TMPRSS15: variants seen among roughly 807,000 people sequenced by gnomAD.
The protein encoded by TMPRSS15 is transmembrane serine protease 15, also known as enteropeptidase.
In TMPRSS15, 128 loss-of-function variants were observed where a neutral mutation model predicts 125.3. The observed-to-expected ratio is 1.02, with a 90% CI of 0.89 to 1.18. The LOEUF is 1.18. Among genes scored for constraint, TMPRSS15 ranks in the 50% most tolerant of loss-of-function variants. The pLI is 0.00. For synonymous variants in TMPRSS15, 446 were observed against 423.2 expected (o/e 1.05, Z -0.66); for missense variants, 1,283 against 1,212.7 (o/e 1.06, Z -0.86).
At chr21:18,315,304 G>A in intron 16 of TMPRSS15, 48 bp from the exon 17 acceptor site, 1 of 1,479,846 alleles carries the variant, frequency 6.8e-7, no homozygotes. Flanking sequence ...AACACAAATG[G>A]ATGATTCTGG....
chr21:18,448,286 T>C lies in TMPRSS15; in HGVS notation c.10+37513A>G, dbSNP rs138503296. ...AAATGGATTATGACATTGTGTCTAA[T>C]TGATGTTACAAATCAATACAATTTA... is the stretch of plus-strand genomic sequence containing the variant. On this transcript the variant is annotated intron_variant, in intron 1 of 7. Transcript: ENST00000422787. 1.5e-4 allele frequency among the ~76,000 whole-genome samples: 23 copies of C among 152,300 alleles called. No individual in the cohort carries two copies. The East Asian group carries it at 4.1e-3, about 27-fold the overall frequency.
chr21:18,450,528 T>C (rs1468932071), intron 1 of TMPRSS15, among the ~76,000 whole-genome samples: 1 of 152,182 alleles, frequency 6.6e-6, no homozygotes, highest in African/African-American at 2.4e-5. Flanking sequence ...AGCCGAGTTC[T>C]GGGAGTAGAA....
chr21:18,341,656 T>C, intron 12 of TMPRSS15, 108 bp from the exon 13 acceptor site: 1 of 1,220,852 alleles, frequency 8.2e-7, no homozygotes, highest in Admixed American at 1.7e-5. Context: ...GATTCAATAT[T>C]GTCACCTTGA....
intron 3 of TMPRSS15, among the ~76,000 whole-genome samples, chr21:18,392,462 T>G (rs1427999943): frequency 1.3e-5 from 2 of 152,162 alleles, no homozygotes; most frequent in Non-Finnish European, 2.9e-5. Flanking sequence ...GATCTCCATC[T>G]GAGATCACCT....
intron 21 of TMPRSS15, among the ~76,000 whole-genome samples, chr21:18,293,745 GT>G (rs2074866213): frequency 6.6e-6 from 1 of 152,188 alleles, no homozygotes; most frequent in African/African-American, 2.4e-5. Flanking sequence ...CTAAATTTCA[GT>G]TAATAGGTAG....
chr21:18,429,203 T>C (rs2076210983), intron 1 of TMPRSS15, among the ~76,000 whole-genome samples: 3 of 152,182 alleles, frequency 2.0e-5, no homozygotes, highest in African/African-American at 7.2e-5. Context: ...GTTAACTCAA[T>C]ACCTGTACCC....
intron 24 of TMPRSS15, among the ~76,000 whole-genome samples, chr21:18,274,971 A>G (rs985407087): frequency 4.6e-5 from 7 of 152,230 alleles, no homozygotes; most frequent in African/African-American, 1.7e-4. Context: ...TATTATGTCT[A>G]GTCTCCAAAA....
intron 1 of TMPRSS15, among the ~76,000 whole-genome samples, chr21:18,428,542 C>T (rs1041100646): frequency 1.3e-5 from 2 of 152,136 alleles, no homozygotes; most frequent in Non-Finnish European, 2.9e-5. Flanking sequence ...TTGCTATCTG[C>T]AGCTTATGGA....
intron 1 of TMPRSS15, among the ~76,000 whole-genome samples, chr21:18,438,442 G>A (rs534820598): frequency 2.5e-4 from 38 of 151,972 alleles, no homozygotes; most frequent in African/African-American, 8.9e-4. Flanking sequence ...TAACCTGCAC[G>A]TTGTGCACAT....
At chr21:18,314,531 G>A (rs974141436) in intron 17 of TMPRSS15, among the ~76,000 whole-genome samples, 2 of 152,072 alleles carry the variant, frequency 1.3e-5, no homozygotes, top group African/African-American at 2.4e-5. Flanking sequence ...GCCCACCTCG[G>A]CCTCCCAAAG....
At chr21:18,294,205 G>A in intron 21 of TMPRSS15, 65 bp downstream of exon 21, 2 of 1,587,546 alleles carry the variant, frequency 1.3e-6, no homozygotes, top group Non-Finnish European at 1.7e-6. Flanking sequence ...TGCATGAAAT[G>A]GGACGCTTGG....
At chr21:18,405,097 G>C (rs780482366), upstream of TMPRSS15, among the ~76,000 whole-genome samples, 1 of 151,996 alleles carries the variant, frequency 6.6e-6, no homozygotes, top group Non-Finnish European at 1.5e-5. Flanking sequence ...TCTTTGTATG[G>C]CTAGTGCAGA....
At chr21:18,370,518 T>C (rs2075782318) in intron 6 of TMPRSS15, among the ~76,000 whole-genome samples, 1 of 152,218 alleles carries the variant, frequency 6.6e-6, no homozygotes, top group Non-Finnish European at 1.5e-5. Flanking sequence ...ACTTGCATCA[T>C]ATTCTCCCTG....
At chr21:18,361,869 T>C (rs745711125) in intron 7 of TMPRSS15, among the ~76,000 whole-genome samples, 1 of 128,184 alleles carries the variant, frequency 7.8e-6, no homozygotes, top group Non-Finnish European at 1.6e-5. Flanking sequence ...AAAGTTAGAG[T>C]GGTGGTAGGT....
At chr21:18,465,610 AC>A (rs1372616839) in intron 1 of TMPRSS15, among the ~76,000 whole-genome samples, 1 of 152,162 alleles carries the variant, frequency 6.6e-6, no homozygotes, top group African/African-American at 2.4e-5. Flanking sequence ...ATTCCTATAA[AC>A]AAATAACAGA....
At chr21:18,305,243 C>T (rs1017483305) in intron 18 of TMPRSS15, among the ~76,000 whole-genome samples, 11 of 127,620 alleles carry the variant, frequency 8.6e-5, no homozygotes, top group Non-Finnish European at 1.5e-5. Flanking sequence ...GGCTGGAGTG[C>T]AGTGGCGCGA....
At chr21:18,271,754 G>A (rs373055134) in intron 24 of TMPRSS15, among the ~76,000 whole-genome samples, 1 of 152,146 alleles carries the variant, frequency 6.6e-6, no homozygotes, top group South Asian at 2.1e-4. Context: ...ACAGGCCCTG[G>A]TGTGTGTTGT....
intron 1 of TMPRSS15, among the ~76,000 whole-genome samples, chr21:18,426,864 A>G (rs13050735): frequency 0.31 from 46,914 of 152,174 alleles, 9,138 homozygotes; most frequent in Middle Eastern, 0.46. Context: ...CGCACATGCC[A>G]TAATCTAACT....
At chr21:18,305,334 G>T (rs956170876) in intron 18 of TMPRSS15, among the ~76,000 whole-genome samples, 1 of 151,626 alleles carries the variant, frequency 6.6e-6, no homozygotes, top group Non-Finnish European at 1.5e-5. Context: ...GACTACAGGC[G>T]CCCGCCACCG....
Sources: gnomAD v4.1 joint callset for allele counts (sites outside exome capture counted in the v4.1 genomes callset) on GRCh38, gnomAD v4.1.1 for gene constraint, MANE v1.5 for transcripts, NCBI Gene and HGNC (gene_info 2026-07-23, HGNC 2026-07-21) for gene names.